NRG1: variants seen among roughly 807,000 people sequenced by gnomAD.
NRG1 encodes pro-neuregulin-1, membrane-bound isoform.
NRG1 carries 18 observed loss-of-function variants against 63.8 expected under a neutral mutation model. That is an observed-to-expected ratio of 0.28 (90% CI 0.19 to 0.42). The LOEUF (loss-of-function observed/expected upper bound fraction) is 0.42. Among genes scored for constraint, NRG1 ranks in the 10% least tolerant of loss-of-function variants. NRG1 has a pLI of 1.00. For synonymous variants in NRG1, 302 were observed against 301.3 expected (o/e 1.00, Z -0.02); for missense variants, 762 against 814.7 (o/e 0.94, Z 0.79).
intron 1 of NRG1, among the ~76,000 whole-genome samples, chr8:32,176,669 A>G (rs535738814): frequency 3.3e-5 from 5 of 152,248 alleles, no homozygotes; most frequent in Admixed American, 3.3e-4. Context: ...TGGGTGAAGG[A>G]TATGAACAGA....
chr8:32,318,879 C>G (rs1034879514), intron 1 of NRG1, among the ~76,000 whole-genome samples: 1 of 152,022 alleles, frequency 6.6e-6, no homozygotes, highest in Non-Finnish European at 1.5e-5. Context: ...TCTTAGTGAC[C>G]GATTTTGCTA....
intron 1 of NRG1, among the ~76,000 whole-genome samples, chr8:32,409,634 ATGAACAGAGCAGGTACAGTTAATGGAAAG>A (rs1488721254): frequency 6.6e-6 from 1 of 152,184 alleles, no homozygotes; most frequent in Non-Finnish European, 1.5e-5. Flanking sequence ...TTAATGGAAA[ATGAACAGAGCAGGTACAGTTAATGGAAAG>A]TGAACAGAGC....
intron 1 of NRG1, among the ~76,000 whole-genome samples, chr8:32,038,398 C>G (rs1175275439): frequency 6.6e-6 from 1 of 151,654 alleles, no homozygotes; most frequent in African/African-American, 2.4e-5. Context: ...GTGGAAGCTG[C>G]AGACTGGAGC....
chr8:32,644,999 A>G (rs1218720667), intron 5 of NRG1, among the ~76,000 whole-genome samples: 1 of 152,086 alleles, frequency 6.6e-6, no homozygotes, highest in Non-Finnish European at 1.5e-5. Context: ...CTTGGATGAA[A>G]TGCTGGTGTA....
intron 5 of NRG1, among the ~76,000 whole-genome samples, chr8:32,632,852 T>C (rs1207856272): frequency 2.6e-5 from 4 of 152,254 alleles, no homozygotes. Context: ...ATTCTCATCC[T>C]TGTTAGCATT....
intron 1 of NRG1, among the ~76,000 whole-genome samples, chr8:32,299,797 G>A (rs762574997): frequency 2.6e-5 from 4 of 152,046 alleles, no homozygotes; most frequent in South Asian, 2.1e-4. Flanking sequence ...TCACTATCAC[G>A]AGAACAGGAT....
rs1361292992 is a variant in NRG1 at position 31,640,250 on chromosome 8, C to G, written c.37+819C>G. 4 of 1,145,734 alleles carry G rather than the reference C, an allele frequency of 3.5e-6. No homozygotes were observed. The highest frequency in any genetic ancestry group is 4.3e-6 in the Non-Finnish European group (4 of 932,956). 71.0% of individuals were successfully genotyped at this position (1,145,734 alleles called of 1,614,324 possible). A position where few individuals can be genotyped will look rare whatever the true frequency, so the allele number is the denominator to read the frequency against. On this transcript the variant is annotated intron_variant, in intron 1 of 10. Transcript: ENST00000519301. The surrounding 1 kb of genome is among the most constrained non-coding windows in gnomAD (Gnocchi z 6.3). ...GTGGTGATCGAGGGAAAGGTGCACC[C>G]GCAGCGGCGGCAGCAGGGGGCACTC...
At chr8:31,756,006 T>G (rs1816929954) in intron 1 of NRG1, among the ~76,000 whole-genome samples, 1 of 152,122 alleles carries the variant, frequency 6.6e-6, no homozygotes, top group South Asian at 2.1e-4. Context: ...TTTTAGCACC[T>G]TATTTCTACA....
intron 1 of NRG1, among the ~76,000 whole-genome samples, chr8:32,473,987 A>G (rs116084206): frequency 0.013 from 1,984 of 151,954 alleles, 47 homozygotes; most frequent in African/African-American, 0.045. Flanking sequence ...GCCCAGCCCC[A>G]CCCTTACATG....
At chr8:32,284,854 A>AT (rs1456696295) in intron 1 of NRG1, among the ~76,000 whole-genome samples, 5 of 151,884 alleles carry the variant, frequency 3.3e-5, no homozygotes, top group African/African-American at 1.2e-4. Flanking sequence ...CAGCCTCACA[A>AT]TTTTTTCTTT....
At chr8:31,790,837 T>C (rs1480964898) in intron 1 of NRG1, among the ~76,000 whole-genome samples, 1 of 152,186 alleles carries the variant, frequency 6.6e-6, no homozygotes, top group Non-Finnish European at 1.5e-5. Context: ...AGACACCTTG[T>C]CCAGGGGTGG....
intron 1 of NRG1, among the ~76,000 whole-genome samples, chr8:32,195,059 T>C (rs1297438494): frequency 6.6e-6 from 1 of 152,170 alleles, no homozygotes; most frequent in Non-Finnish European, 1.5e-5. Context: ...CTGTGATCAA[T>C]AGCATTTTCA....
At chr8:31,834,083 A>C (rs2129606579) in intron 1 of NRG1, among the ~76,000 whole-genome samples, 1 of 152,272 alleles carries the variant, frequency 6.6e-6, no homozygotes, top group East Asian at 1.9e-4. Flanking sequence ...ATGAGGCACC[A>C]TGAACAAGCT....
intron 5 of NRG1, among the ~76,000 whole-genome samples, chr8:32,652,765 G>A (rs1246538539): frequency 6.6e-6 from 1 of 150,968 alleles, no homozygotes; most frequent in Non-Finnish European, 1.5e-5. Context: ...TTTTTCTTTA[G>A]TGTGCTTGAT....
intron 5 of NRG1, among the ~76,000 whole-genome samples, chr8:32,720,132 A>C (rs576573136): frequency 6.6e-6 from 1 of 152,270 alleles, no homozygotes; most frequent in South Asian, 2.1e-4. Flanking sequence ...TTAACATGTC[A>C]TTAAATGTCA....
At chr8:32,312,658 G>C (rs1312843294) in intron 1 of NRG1, among the ~76,000 whole-genome samples, 1 of 151,922 alleles carries the variant, frequency 6.6e-6, no homozygotes, top group Non-Finnish European at 1.5e-5. Flanking sequence ...GCTCCGTTAG[G>C]ACTGCCTCCC....
chr8:32,002,688 G>A (rs1426138476), intron 1 of NRG1, among the ~76,000 whole-genome samples: 2 of 152,042 alleles, frequency 1.3e-5, no homozygotes, highest in East Asian at 3.9e-4. Flanking sequence ...AAGTGTGATT[G>A]TTACTATTGG....
At chr8:32,329,091 C>T (rs1802344371) in intron 1 of NRG1, among the ~76,000 whole-genome samples, 1 of 152,192 alleles carries the variant, frequency 6.6e-6, no homozygotes, top group Admixed American at 6.5e-5. Context: ...ACCTCAGTTT[C>T]AAGTAGCTGG....
At chr8:32,718,507 A>G (rs993522585) in intron 5 of NRG1, among the ~76,000 whole-genome samples, 1 of 152,140 alleles carries the variant, frequency 6.6e-6, no homozygotes, top group East Asian at 1.9e-4. Flanking sequence ...TTCATTAATT[A>G]TGGCCCTACT....
Sources: gnomAD v4.1 joint callset for allele counts (sites outside exome capture counted in the v4.1 genomes callset) on GRCh38, gnomAD v4.1.1 for gene constraint, Gnocchi (gnomAD v3.1) non-coding constraint, MANE v1.5 for transcripts, NCBI Gene and HGNC (gene_info 2026-07-23, HGNC 2026-07-21) for gene names.